RAB6B: variants seen among roughly 807,000 people sequenced by gnomAD.
The protein encoded by RAB6B is ras-related protein Rab-6B.
Under a neutral mutation model 31.2 loss-of-function variants are expected in RAB6B, and 7 were observed. The ratio of observed to expected loss-of-function variants is 0.22; its 90% CI spans 0.13 to 0.42. RAB6B has a LOEUF of 0.42. Among genes scored for constraint, RAB6B ranks in the 10% least tolerant of loss-of-function variants. The pLI, the probability that RAB6B is intolerant of heterozygous loss-of-function variation, is 1.00. For synonymous variants in RAB6B, 105 were observed against 104.9 expected, an observed-to-expected ratio of 1.00 and a Z score of -0.01; for missense variants, 149 against 280.6, an observed-to-expected ratio of 0.53 and a Z score of 3.35.
At chr3:133,877,276 T>A (rs1936409606) in intron 1 of RAB6B, among the ~76,000 whole-genome samples, 2 of 152,234 alleles carry the variant, frequency 1.3e-5, no homozygotes, top group Admixed American at 1.3e-4. Context: ...AGGGTTTCCC[T>A]CAAGCCTTCG....
chr3:133,828,791 G>T lies in RAB6B; in HGVS notation c.624C>A (p.Cys208Ter). Residue 208 changes from cysteine (C) to a stop codon, truncating the protein, a stop_gained, in exon 8 of 8, where the codon TGC becomes TGA. Coordinates refer to ENST00000285208, the MANE Select transcript of RAB6B (RefSeq NM_016577.4). LOFTEE classifies it high-confidence loss of function. The part of the protein sequence containing the change: ...EPPASEGGCS[C>*] ...GAAGCCACAGGTCGGCTCTGCATTA[G>T]CAGGAGCAGCCGCCCTCGCTGGCCG... 1 of 1,609,894 alleles carries T rather than the reference G, an allele frequency of 6.2e-7. No individual in the cohort carries two copies. Among genetic ancestry groups the T allele is most frequent in the Non-Finnish European group, 8.5e-7 (1 of 1,176,674 alleles).
intron 2 of RAB6B, among the ~76,000 whole-genome samples, chr3:133,854,289 C>G (rs1395502858): frequency 6.6e-6 from 1 of 152,202 alleles, no homozygotes; most frequent in Non-Finnish European, 1.5e-5. Context: ...GAGTCTTGGT[C>G]AAAGCATTCT....
intron 1 of RAB6B, 90 bp downstream of exon 1, chr3:133,895,307 C>G: frequency 7.0e-7 from 1 of 1,435,214 alleles, no homozygotes; most frequent in Non-Finnish European, 9.7e-7. Flanking sequence ...GGGGCCTTTC[C>G]GAGCCTGGGC....
At chr3:133,842,378 G>A (rs1471056395) in intron 2 of RAB6B, among the ~76,000 whole-genome samples, 1 of 152,242 alleles carries the variant, frequency 6.6e-6, no homozygotes, top group Non-Finnish European at 1.5e-5. Context: ...GCCTTGGGCA[G>A]GCAACCAACC....
rs1935836546 is a variant in RAB6B, at chr3:133,841,757, A to T, written c.130-94T>A. ...CACAGGTGGTGGCATAACCAGCAAG[A>T]GGGGACGCTCATGTCAGGTCTAATG... On this transcript the variant is annotated intron_variant, in intron 2 of 7. Coordinates refer to ENST00000285208, the MANE Select transcript of RAB6B (RefSeq NM_016577.4). The T allele has an allele frequency of 3.1e-6, 4 of 1,270,136 alleles. No homozygotes were observed. In the African/African-American group the frequency reaches 5.9e-5, roughly 19 times the overall value. 78.7% of individuals were successfully genotyped at this position (1,270,136 alleles called of 1,614,324 possible).
chr3:133,863,584 T>C (rs1379574061), intron 2 of RAB6B, among the ~76,000 whole-genome samples: 1 of 152,216 alleles, frequency 6.6e-6, no homozygotes, highest in Non-Finnish European at 1.5e-5. Context: ...ATCAAAACTA[T>C]ACACTGATAT....
At position 133,895,354 on chromosome 3, in the gene RAB6B, G is replaced by C. The variant is rs540632347; in HGVS notation, c.70+43C>G. On this transcript the variant is annotated intron_variant, in intron 1 of 7. Coordinates refer to ENST00000285208, the MANE Select transcript of RAB6B (RefSeq NM_016577.4). ...ATGGGGTGGGCGATTGGGCGGCGGG[G>C]GTCGACTCGGCGACAAGCCAAGAGA... The C allele has an allele frequency of 3.0e-5, 48 of 1,593,924 alleles. No homozygotes were observed. In the South Asian group the frequency reaches 5.1e-4, roughly 17 times the overall value.
chr3:133,836,206 G>A (rs1465377611), intron 6 of RAB6B, among the ~76,000 whole-genome samples: 1 of 152,226 alleles, frequency 6.6e-6, no homozygotes, highest in Non-Finnish European at 1.5e-5. Context: ...GACCCTTGTG[G>A]GCGGGCTGCA....
intron 2 of RAB6B, among the ~76,000 whole-genome samples, chr3:133,856,767 C>CT (rs1936084618): frequency 6.6e-6 from 1 of 152,166 alleles, no homozygotes; most frequent in Non-Finnish European, 1.5e-5. Flanking sequence ...CCTGGAGTAT[C>CT]TTCTGCCGGG....
chr3:133,890,312 T>C (rs1453755836), intron 1 of RAB6B, among the ~76,000 whole-genome samples: 2 of 151,936 alleles, frequency 1.3e-5, no homozygotes, highest in African/African-American at 4.8e-5. Flanking sequence ...ATGACCAAGG[T>C]TACATGATCC....
chr3:133,884,763 C>T (rs1440039048), intron 1 of RAB6B, among the ~76,000 whole-genome samples: 1 of 151,782 alleles, frequency 6.6e-6, no homozygotes, highest in Non-Finnish European at 1.5e-5. Flanking sequence ...CTCACATACC[C>T]AGTGCCCAAA....
chr3:133,833,724 G>C (rs1935690378), intron 7 of RAB6B, among the ~76,000 whole-genome samples: 1 of 152,218 alleles, frequency 6.6e-6, no homozygotes, highest in South Asian at 2.1e-4. Context: ...GGGGATGTTG[G>C]AGAGCTGCTG....
intron 6 of RAB6B, among the ~76,000 whole-genome samples, chr3:133,835,408 TG>T (rs1559899812): frequency 6.6e-6 from 1 of 151,572 alleles, no homozygotes; most frequent in African/African-American, 2.4e-5. Flanking sequence ...TGTGTAAGTG[TG>T]GGGGGAATGT....
intron 1 of RAB6B, among the ~76,000 whole-genome samples, chr3:133,884,325 T>C (rs1040034432): frequency 3.3e-5 from 5 of 152,216 alleles, no homozygotes; most frequent in Non-Finnish European, 5.9e-5. Context: ...GGTGCACCAA[T>C]TGACCTGAAC....
chr3:133,853,577 G>A (rs1936032090), intron 2 of RAB6B, among the ~76,000 whole-genome samples: 2 of 151,964 alleles, frequency 1.3e-5, no homozygotes, highest in African/African-American at 4.8e-5. Context: ...AGCTGGCAGA[G>A]TGCCCCACTC....
At position 133,848,699 on chromosome 3, in the gene RAB6B, A is replaced by G. The variant is rs58447773; in HGVS notation, c.130-7036T>C. Among the ~76,000 whole-genome samples, 1,102 of 152,066 alleles carry G rather than the reference A, an allele frequency of 7.2e-3. 14 individuals are homozygous for G. The highest frequency in any genetic ancestry group is 0.025 in the African/African-American group (1,043 of 41,474). On this transcript the variant is annotated intron_variant, in intron 2 of 7. Coordinates refer to ENST00000285208, the MANE Select transcript of RAB6B (RefSeq NM_016577.4). ...CACCCACTCCTGCAATAACTGCATT[A>G]ATCCATTCATGAGGGTGAAGCCCTC...
At chr3:133,832,213 G>C (rs1306493031) in intron 7 of RAB6B, among the ~76,000 whole-genome samples, 1 of 152,170 alleles carries the variant, frequency 6.6e-6, no homozygotes, top group Non-Finnish European at 1.5e-5. Flanking sequence ...GTGGGGGTTG[G>C]GGGGTTGTGT....
At chr3:133,849,397 A>C (rs1935947657) in intron 2 of RAB6B, among the ~76,000 whole-genome samples, 2 of 152,242 alleles carry the variant, frequency 1.3e-5, no homozygotes, top group African/African-American at 2.4e-5. Flanking sequence ...TCAGAATTCC[A>C]GACAAGCCCT....
chr3:133,838,220 T>G lies in RAB6B; in HGVS notation c.441A>C (p.Glu147Asp). 6.2e-7 allele frequency: 1 copy of G among 1,614,146 alleles called. No homozygotes were observed. Among genetic ancestry groups the G allele is most frequent in the Non-Finnish European group, 8.5e-7 (1 of 1,180,008 alleles). ...TGGTCTCAATGAACATGACGCTCAG[T>G]TCTTTGGCGCGCTGCTCCCCCTCCT... is the stretch of plus-strand genomic sequence containing the variant. ...TIEEGEQRAK[E>D]LSVMFIETSA... is the part of the protein sequence containing the mutation. The change falls in exon 6 of 8, where the codon GAA (glutamate) becomes GAC (aspartate). Residue 147 changes from glutamate to aspartate, a missense_variant. By Grantham distance (45) the Glu-to-Asp change is conservative (BLOSUM62 2). Coordinates refer to ENST00000285208, the MANE Select transcript of RAB6B (RefSeq NM_016577.4).
Sources: allele counts gnomAD v4.1 joint callset (sites outside exome capture counted in the v4.1 genomes callset), GRCh38; gene constraint gnomAD v4.1.1; transcripts MANE v1.5; gene names NCBI Gene and HGNC (gene_info 2026-07-23, HGNC 2026-07-21).